TRIM26: variants seen among roughly 807,000 people sequenced by gnomAD.
TRIM26 encodes tripartite motif-containing protein 26.
Under a neutral mutation model 45.5 loss-of-function variants are expected in TRIM26, and 16 were observed. That is an observed-to-expected ratio of 0.35 (90% CI 0.24 to 0.53). The LOEUF (loss-of-function observed/expected upper bound fraction) is 0.53, where lower values mean the gene tolerates loss of function less well. TRIM26 is among the 20% of genes least tolerant of loss of function. TRIM26 has a pLI of 0.92. For missense variants in TRIM26, 442 were observed against 691.1 expected (o/e 0.64, Z 4.04); for synonymous variants, 273 against 290.4 (o/e 0.94, Z 0.61).
chr6:30,189,278 C>G lies in TRIM26; in HGVS notation c.905-79G>C. On this transcript the variant is annotated intron_variant, in intron 8 of 9. Coordinates refer to ENST00000454678, the MANE Select transcript of TRIM26 (RefSeq NM_003449.5). The surrounding 1 kb of genome is among the most constrained non-coding windows in gnomAD (Gnocchi z 5.0). Reference sequence around the variant, plus strand: ...TTTCTTGCTCGGGCAGTATCAATTTCCTGATAGGGATCCATGTCTAAGACA... The same window carrying G: ...TTTCTTGCTCGGGCAGTATCAATTTGCTGATAGGGATCCATGTCTAAGACA... 1 of 1,598,692 alleles carries G rather than the reference C, an allele frequency of 6.3e-7. No homozygotes were observed.
Position 30,198,379 on chromosome 6 carries a change from G to T in TRIM26, c.534+50C>A. The T allele has an allele frequency of 6.2e-7, 1 of 1,602,676 alleles. No individual in the cohort carries two copies. The highest frequency in any genetic ancestry group is 8.5e-7 in the Non-Finnish European group (1 of 1,171,936). On this transcript the variant is annotated intron_variant, in intron 5 of 9. Transcript: ENST00000454678. This position sits in a 1 kb window ranked among gnomAD's most constrained non-coding sequence, Gnocchi z 6.3. ...CCGCCTACTTGCCCAGGCTCACCCT[G>T]CCCTACACGGGCGCACCGCCTCAGG...
Position 30,185,594 on chromosome 6 carries a change from G to A in TRIM26, c.*282C>T, listed in dbSNP as rs764203988. On this transcript the variant is annotated 3_prime_UTR_variant, in exon 10 of 10. Coordinates refer to ENST00000454678, the MANE Select transcript of TRIM26 (RefSeq NM_003449.5). The surrounding 1 kb of genome is among the most constrained non-coding windows in gnomAD (Gnocchi z 5.7). ...CCAGAGAGTGCAGAGCTGGGGCCAA[G>A]GTCGTGGTCAAAAAGGAAAGGAGCC... 1.2e-5 allele frequency: 6 copies of A among 504,008 alleles called. No individual in the cohort carries two copies. The highest frequency in any genetic ancestry group is 2.1e-5 in the Non-Finnish European group (6 of 286,272). 31.2% of individuals were successfully genotyped at this position (504,008 alleles called of 1,614,324 possible). A position where few individuals can be genotyped will look rare whatever the true frequency, so the allele number is the denominator to read the frequency against.
At position 30,196,771 on chromosome 6, in the gene TRIM26, G is replaced by A; in HGVS notation, c.535-25C>T. On this transcript the variant is annotated intron_variant, in intron 5 of 9. Transcript: ENST00000454678. The surrounding 1 kb of genome is among the most constrained non-coding windows in gnomAD (Gnocchi z 4.9). The stretch of plus-strand genomic sequence containing the variant: ...TCTGCAGGGGGCAGGAAGGGGAGAA[G>A]GGCTGACACCTCTGCTCAGGGTGGA... The A allele has an allele frequency of 6.2e-7, 1 of 1,612,326 alleles. No homozygotes were observed. The highest frequency in any genetic ancestry group is 2.2e-5 in the East Asian group (1 of 44,854).
intron 9 of TRIM26, chr6:30,188,482 T>C: frequency 3.6e-6 from 1 of 273,978 alleles, no homozygotes. Flanking sequence ...TTTGACGGTA[T>C]TCACAGACAG....
chr6:30,190,068 T>C lies in TRIM26; in HGVS notation c.766-33A>G. ...GGAAAGAAAAAAGCACAAGTATCAA[T>C]ATGAATCAAATAAGACTTCAATGCA... On this transcript the variant is annotated intron_variant, in intron 6 of 9. Transcript: ENST00000454678. The surrounding 1 kb of genome is among the most constrained non-coding windows in gnomAD (Gnocchi z 4.3). 2 of 1,612,042 alleles carry C rather than the reference T, an allele frequency of 1.2e-6. No individual in the cohort carries two copies. Among genetic ancestry groups the C allele is most frequent in the Non-Finnish European group, 1.7e-6 (2 of 1,179,284 alleles).
intron 6 of TRIM26, among the ~76,000 whole-genome samples, chr6:30,193,192 T>A (rs1239296251): frequency 6.4e-5 from 6 of 94,178 alleles, no homozygotes; most frequent in African/African-American, 1.0e-4. Context: ...ATTTTTTTTT[T>A]TTTTTTTTTA....
At chr6:30,197,613 CCAGGATCTCCCTCCCCAAGGATACCAAA>C (rs1776628109) in intron 5 of TRIM26, among the ~76,000 whole-genome samples, 1 of 152,114 alleles carries the variant, frequency 6.6e-6, no homozygotes, top group African/African-American at 2.4e-5. Context: ...GTGATGGGTT[CCAGGATCTCCCTCCCCAAGGATACCAAA>C]ATCCAAGGAT....
chr6:30,203,094 A>C lies in TRIM26; in HGVS notation c.-266+1562T>G, dbSNP rs534345467. Among the ~76,000 whole-genome samples the C allele has an allele frequency of 2.1e-5, 3 of 144,732 alleles. No homozygotes were observed. The South Asian group carries it at 6.5e-4, about 31-fold the overall frequency. The allele number at this position is 144,732 out of a possible 152,430, so 94.9% of individuals were successfully genotyped here. ...GACAGGGTCTTACTCTGTCCCCCAG[A>C]GTGCAGTGGAACTATCTGGGCTCAC... is the stretch of plus-strand genomic sequence containing the variant. On this transcript the variant is annotated intron_variant, in intron 2 of 9. Coordinates refer to ENST00000454678, the MANE Select transcript of TRIM26 (RefSeq NM_003449.5).
intron 9 of TRIM26, among the ~76,000 whole-genome samples, chr6:30,188,089 G>A (rs1581650350): frequency 6.7e-6 from 1 of 150,200 alleles, no homozygotes; most frequent in African/African-American, 2.5e-5. Context: ...CGAGGTGGCG[G>A]GCGCCTGTAG....
At chr6:30,211,469 C>T (rs562047267) in intron 1 of TRIM26, among the ~76,000 whole-genome samples, 6 of 152,184 alleles carry the variant, frequency 3.9e-5, no homozygotes, top group East Asian at 3.8e-4. Context: ...GGACTCTCTT[C>T]GGGGGTTTGC....
rs1275012546 is a variant in TRIM26 at position 30,184,538 on chromosome 6, T to G, written c.*1338A>C. The G allele has an allele frequency of 2.0e-5, 3 of 152,476 alleles. No homozygotes were observed. Among genetic ancestry groups the G allele is most frequent in the African/African-American group, 7.2e-5 (3 of 41,452 alleles). The allele number at this position is 152,476 out of a possible 1,614,324, so 9.4% of individuals were successfully genotyped here. Reference sequence around the variant, plus strand: ...ATGAGAATACAAGAGTAGTATAAGATGTTATCCGCCCTCCAGGAGCTTACA... The same window carrying G: ...ATGAGAATACAAGAGTAGTATAAGAGGTTATCCGCCCTCCAGGAGCTTACA... On this transcript the variant is annotated 3_prime_UTR_variant, in exon 10 of 10. Transcript: ENST00000454678.
In TRIM26 at chr6:30,190,929, T is replaced by C. The variant is rs138238647; in HGVS notation, c.766-894A>G. ...TAAACTTCTATTCTGTTTGCGTCAC[T>C]GTACAGCAGTGAGCCAAAACCCTAA... On this transcript the variant is annotated intron_variant, in intron 6 of 9. Transcript: ENST00000454678. This position sits in a 1 kb window ranked among gnomAD's most constrained non-coding sequence, Gnocchi z 4.3. Among the ~76,000 whole-genome samples, 421 of 152,280 alleles carry C rather than the reference T, an allele frequency of 2.8e-3. No individual in the cohort carries two copies. Among genetic ancestry groups the C allele is most frequent in the Middle Eastern group, 0.017 (5 of 294 alleles).
At chr6:30,197,109 C>A (rs1232485647) in intron 5 of TRIM26, among the ~76,000 whole-genome samples, 1 of 152,164 alleles carries the variant, frequency 6.6e-6, no homozygotes, top group Non-Finnish European at 1.5e-5. Flanking sequence ...GTCACCTCTT[C>A]CAGGAAGTTT....
chr6:30,187,467 G>T, intron 9 of TRIM26: 1 of 521,018 alleles, frequency 1.9e-6, no homozygotes, highest in Non-Finnish European at 3.9e-6. Context: ...GGGTACAAAT[G>T]CATGAAATTG....
chr6:30,199,257 A>G lies in TRIM26; in HGVS notation c.-154T>C. 3 of 613,300 alleles carry G rather than the reference A, an allele frequency of 4.9e-6. No homozygotes were observed. Among genetic ancestry groups the G allele is most frequent in the East Asian group, 5.7e-5 (2 of 35,304 alleles). The allele number at this position is 613,300 out of a possible 1,614,324, so 38.0% of individuals were successfully genotyped here. ...AGCACTCAGTCAATCGACAGACACC[A>G]CCAGCTCCTACAAGGTTCACACAAT... is the stretch of plus-strand genomic sequence containing the variant. On this transcript the variant is annotated 5_prime_UTR_variant, in exon 4 of 10. Coordinates refer to ENST00000454678, the MANE Select transcript of TRIM26 (RefSeq NM_003449.5).
chr6:30,210,779 C>A (rs1324891935), intron 1 of TRIM26, among the ~76,000 whole-genome samples: 1 of 152,210 alleles, frequency 6.6e-6, no homozygotes, highest in Non-Finnish European at 1.5e-5. Flanking sequence ...CTCTCTCAAA[C>A]TATCTTGTAC....
chr6:30,187,283 A>G, intron 9 of TRIM26: 1 of 304,966 alleles, frequency 3.3e-6, no homozygotes, highest in South Asian at 3.4e-5. Flanking sequence ...TCCAAAACTG[A>G]CCCTGTCAAC....
chr6:30,206,640 A>G (rs1777753911), intron 1 of TRIM26, among the ~76,000 whole-genome samples: 1 of 152,244 alleles, frequency 6.6e-6, no homozygotes, highest in South Asian at 2.1e-4. Context: ...AAATATAGGA[A>G]GGAATCCTTT....
At chr6:30,195,175 C>A (rs530070532) in intron 6 of TRIM26, among the ~76,000 whole-genome samples, 54 of 152,250 alleles carry the variant, frequency 3.5e-4, no homozygotes, top group Admixed American at 7.2e-4. Flanking sequence ...CGGGCAAACA[C>A]AATGGATTTC....
Sources: allele counts gnomAD v4.1 joint callset (sites outside exome capture counted in the v4.1 genomes callset), GRCh38; gene constraint gnomAD v4.1.1; non-coding constraint Gnocchi (gnomAD v3.1); transcripts MANE v1.5; gene names NCBI Gene and HGNC (gene_info 2026-07-23, HGNC 2026-07-21).